Variants in RBFOX1 observed in about 807,000 individuals in gnomAD.
RBFOX1 encodes RNA binding protein fox-1 homolog 1.
Under a neutral mutation model 57.7 loss-of-function variants are expected in RBFOX1, and 8 were observed. The ratio of observed to expected loss-of-function variants is 0.14; its 90% CI spans 0.08 to 0.25. RBFOX1 has a LOEUF of 0.25. Among genes scored for constraint, RBFOX1 ranks in the 10% least tolerant of loss-of-function variants. The probability of loss-of-function intolerance (pLI) is 1.00; values close to 1 mark genes in which losing one functional copy is unlikely to be tolerated. For missense variants in RBFOX1, 611 were observed against 548.5 expected (o/e 1.11, Z -1.14); for synonymous variants, 326 against 222.4 (o/e 1.47, Z -4.15).
intron 3 of RBFOX1, among the ~76,000 whole-genome samples, chr16:6,990,598 C>T (rs1167152523): frequency 1.3e-5 from 2 of 152,080 alleles, no homozygotes; most frequent in Non-Finnish European, 2.9e-5. Context: ...TCCAAGTTTA[C>T]CAAGTAGAAG....
At chr16:7,373,130 C>G (rs753889090) in intron 4 of RBFOX1, among the ~76,000 whole-genome samples, 2 of 151,986 alleles carry the variant, frequency 1.3e-5, no homozygotes, top group African/African-American at 2.4e-5. Flanking sequence ...GACGGTGTTT[C>G]ACCGTGTTAG....
At chr16:7,094,792 T>TGA (rs5815368) in intron 4 of RBFOX1, among the ~76,000 whole-genome samples, 3 of 121,076 alleles carry the variant, frequency 2.5e-5, no homozygotes, top group African/African-American at 6.5e-5. Flanking sequence ...GTGTGTGTGT[T>TGA]GAGAGAGAGA....
At chr16:7,161,324 A>T (rs958268767) in intron 4 of RBFOX1, among the ~76,000 whole-genome samples, 1 of 151,896 alleles carries the variant, frequency 6.6e-6, no homozygotes, top group Non-Finnish European at 1.5e-5. Flanking sequence ...ACCGTTTTAA[A>T]TGAATGTTCT....
At chr16:6,337,767 A>T (rs960155533) in intron 2 of RBFOX1, among the ~76,000 whole-genome samples, 2 of 152,242 alleles carry the variant, frequency 1.3e-5, no homozygotes, top group African/African-American at 4.8e-5. Flanking sequence ...TGACAGTGGC[A>T]CAGAAAATCA....
chr16:7,674,018 C>G (rs536870510), intron 13 of RBFOX1, among the ~76,000 whole-genome samples: 2 of 152,022 alleles, frequency 1.3e-5, no homozygotes, highest in African/African-American at 4.8e-5. Flanking sequence ...AAATACAGAG[C>G]GATAAAATTG....
At chr16:6,591,384 G>A (rs1466317876) in intron 2 of RBFOX1, among the ~76,000 whole-genome samples, 1 of 152,148 alleles carries the variant, frequency 6.6e-6, no homozygotes, top group Non-Finnish European at 1.5e-5. Context: ...AACTTGGGAG[G>A]CGGAGATTGC....
chr16:6,949,506 C>T (rs369223534), intron 3 of RBFOX1, among the ~76,000 whole-genome samples: 7 of 152,160 alleles, frequency 4.6e-5, no homozygotes, highest in East Asian at 3.9e-4. Flanking sequence ...AGAGCATTGG[C>T]AGGGTCTGTT....
At chr16:7,536,504 GA>G (rs1435967189) in intron 5 of RBFOX1, among the ~76,000 whole-genome samples, 1 of 152,204 alleles carries the variant, frequency 6.6e-6, no homozygotes, top group Non-Finnish European at 1.5e-5. Context: ...TGAGACAAGA[GA>G]ATCGCTTGAA....
chr16:6,267,263 A>T (rs558646656), intron 1 of RBFOX1, among the ~76,000 whole-genome samples: 7 of 152,302 alleles, frequency 4.6e-5, no homozygotes, highest in African/African-American at 1.7e-4. Flanking sequence ...AGAGATATTA[A>T]TTTAAATTCA....
intron 4 of RBFOX1, among the ~76,000 whole-genome samples, chr16:7,158,063 G>T (rs1026792766): frequency 6.6e-6 from 1 of 152,094 alleles, no homozygotes; most frequent in Non-Finnish European, 1.5e-5. Context: ...AAAACTACAG[G>T]GTTGGCTGGG....
At chr16:6,850,939 T>C (rs2094026065) in intron 3 of RBFOX1, among the ~76,000 whole-genome samples, 1 of 152,234 alleles carries the variant, frequency 6.6e-6, no homozygotes. Flanking sequence ...CACTGCAGCT[T>C]TATTTGTAAT....
intron 3 of RBFOX1, among the ~76,000 whole-genome samples, chr16:5,757,715 A>T (rs1037256001): frequency 4.6e-5 from 7 of 152,298 alleles, no homozygotes; most frequent in East Asian, 1.9e-4. Context: ...CAGTGCTATG[A>T]AGTTGGTCCT....
rs117046133 is a variant in RBFOX1, at chr16:6,476,109, C to T, written c.-64+159052C>T. 7.9e-3 allele frequency among the ~76,000 whole-genome samples: 1,206 copies of T among 152,206 alleles called. 11 individuals are homozygous for T. Among genetic ancestry groups the T allele is most frequent in the Non-Finnish European group, 0.013 (885 of 68,004 alleles). ...ATGTTATTGGTACAATGTCAGTCAT[C>T]GACACTCACATGGCCAGGGACGCCA... is the stretch of plus-strand genomic sequence containing the variant. On this transcript the variant is annotated intron_variant, in intron 2 of 15. Transcript: ENST00000550418.
chr16:6,682,876 A>T (rs1453412900), intron 3 of RBFOX1, among the ~76,000 whole-genome samples: 13 of 151,744 alleles, frequency 8.6e-5, no homozygotes, highest in Non-Finnish European at 1.6e-4. Context: ...GAATTAAAAA[A>T]AAAAAAAAAA....
intron 3 of RBFOX1, among the ~76,000 whole-genome samples, chr16:5,807,945 G>T (rs1452035602): frequency 2.0e-5 from 3 of 152,082 alleles, no homozygotes; most frequent in Non-Finnish European, 4.4e-5. Context: ...CTTGTATCTG[G>T]GGTTATTCAG....
At chr16:5,564,969 C>T (rs755667814) in intron 2 of RBFOX1, among the ~76,000 whole-genome samples, 1 of 152,110 alleles carries the variant, frequency 6.6e-6, no homozygotes, top group Non-Finnish European at 1.5e-5. Flanking sequence ...TTTTTTAGTT[C>T]CTACTGGATG....
intron 4 of RBFOX1, among the ~76,000 whole-genome samples, chr16:7,115,518 G>C (rs2065702051): frequency 6.6e-6 from 1 of 152,190 alleles, no homozygotes; most frequent in African/African-American, 2.4e-5. Context: ...AGCTAAAATA[G>C]TGTCAAGGCT....
intron 4 of RBFOX1, among the ~76,000 whole-genome samples, chr16:7,514,794 C>G (rs1042759983): frequency 6.6e-6 from 1 of 152,138 alleles, no homozygotes; most frequent in Non-Finnish European, 1.5e-5. Flanking sequence ...AGAGATAGCT[C>G]GAAGTCTACA....
chr16:5,978,657 G>GTT (rs76012820), intron 4 of RBFOX1, among the ~76,000 whole-genome samples: 19 of 148,784 alleles, frequency 1.3e-4, no homozygotes, highest in East Asian at 4.2e-4. Flanking sequence ...GTCTCAAAGT[G>GTT]TTTTTTTTGT....
Sources: gnomAD v4.1 joint callset for allele counts (sites outside exome capture counted in the v4.1 genomes callset) on GRCh38, gnomAD v4.1.1 for gene constraint, MANE v1.5 for transcripts, NCBI Gene and HGNC (gene_info 2026-07-23, HGNC 2026-07-21) for gene names.